STAG1: variants seen among roughly 807,000 people sequenced by gnomAD.
STAG1 encodes STAG1 cohesin complex component.
In STAG1, 26 loss-of-function variants were observed where a neutral mutation model predicts 170.9. The ratio of observed to expected loss-of-function variants is 0.15; its 90% confidence interval spans 0.11 to 0.21. The LOEUF is 0.21. STAG1 is among the 10% of genes least tolerant of loss of function. The pLI is 1.00. For synonymous variants in STAG1, 514 were observed against 497.7 expected, an observed-to-expected ratio of 1.03 and a Z score of -0.44; for missense variants, 964 against 1,509.5, an observed-to-expected ratio of 0.64 and a Z score of 5.99.
chr3:136,661,837 T>C (rs568979183), intron 1 of STAG1, among the ~76,000 whole-genome samples: 1 of 152,346 alleles, frequency 6.6e-6, no homozygotes, highest in East Asian at 1.9e-4. Flanking sequence ...ACAGTATCCC[T>C]GTGAGGCAGG....
chr3:136,736,788 C>A, intron 1 of STAG1: 3 of 1,591,192 alleles, frequency 1.9e-6, no homozygotes, highest in South Asian at 1.1e-5. Context: ...TTGAACAGCT[C>A]AGGATCATCC....
chr3:136,649,911 G>A (rs1941156711), intron 1 of STAG1, among the ~76,000 whole-genome samples: 1 of 151,902 alleles, frequency 6.6e-6, no homozygotes, highest in African/African-American at 2.4e-5. Flanking sequence ...GGGACTACAG[G>A]CACATGCCAC....
intron 21 of STAG1, among the ~76,000 whole-genome samples, chr3:136,402,131 T>C (rs1405505574): frequency 6.6e-6 from 1 of 152,138 alleles, no homozygotes; most frequent in Non-Finnish European, 1.5e-5. Context: ...GGTAAACATA[T>C]GTAGATAATA....
chr3:136,525,329 T>C (rs552869761), intron 6 of STAG1, among the ~76,000 whole-genome samples: 3 of 152,124 alleles, frequency 2.0e-5, no homozygotes, highest in Non-Finnish European at 4.4e-5. Context: ...CTTGGGAGGG[T>C]GTATGTGTCC....
intron 12 of STAG1, among the ~76,000 whole-genome samples, chr3:136,465,748 T>C (rs774761801): frequency 1.3e-5 from 2 of 151,922 alleles, no homozygotes; most frequent in Non-Finnish European, 2.9e-5. Context: ...GAAGGTTCTC[T>C]TCCTCAGCAA....
intron 1 of STAG1, among the ~76,000 whole-genome samples, chr3:136,664,925 G>A (rs987463586): frequency 3.3e-5 from 5 of 152,210 alleles, no homozygotes; most frequent in African/African-American, 1.2e-4. Context: ...AAGTATCTAA[G>A]AGAGCAGGCA....
intron 6 of STAG1, among the ~76,000 whole-genome samples, chr3:136,536,514 A>C (rs1935634797): frequency 6.6e-6 from 1 of 152,052 alleles, no homozygotes; most frequent in South Asian, 2.1e-4. Flanking sequence ...CAGCCTGTCC[A>C]ATATGGTGAA....
In STAG1 at chr3:136,472,414, G is replaced by A. The variant is rs761035128; in HGVS notation, c.1204C>T (p.His402Tyr). ...EAIRLVTLIL[H>Y]GSEEALSNED... is the part of the protein sequence containing the mutation. ...AAAATAGTAATGGATATTACTTACT[G>A]AAGTATCAGAGTAACCAATCGAATA... is the stretch of plus-strand genomic sequence containing the variant. The change falls in exon 12 of 34, where the codon CAT (histidine) becomes TAT (tyrosine). Residue 402 changes from histidine to tyrosine, a missense_variant and splice_region_variant. Physicochemically the swap from His to Tyr is moderately conservative, Grantham distance 83. Transcript: ENST00000383202. The A allele has an allele frequency of 6.2e-6, 10 of 1,605,284 alleles. No individual in the cohort carries two copies. In the Admixed American group the frequency reaches 1.7e-4, roughly 27 times the overall value.
intron 13 of STAG1, among the ~76,000 whole-genome samples, chr3:136,457,440 G>C (rs2089146954): frequency 6.6e-6 from 1 of 152,122 alleles, no homozygotes; most frequent in Non-Finnish European, 1.5e-5. Flanking sequence ...GTCCTCACCT[G>C]TTTACCCCCA....
chr3:136,665,184 T>C (rs1416765870), intron 1 of STAG1, among the ~76,000 whole-genome samples: 1 of 152,186 alleles, frequency 6.6e-6, no homozygotes, highest in Non-Finnish European at 1.5e-5. Context: ...ATTTAGATGA[T>C]CTAGATGTGA....
intron 16 of STAG1, among the ~76,000 whole-genome samples, chr3:136,430,621 G>C (rs2088269109): frequency 9.4e-6 from 1 of 106,506 alleles, no homozygotes; most frequent in South Asian, 3.9e-4. Flanking sequence ...GATAGCTGAA[G>C]AGCTTAAAAA....
intron 13 of STAG1, among the ~76,000 whole-genome samples, chr3:136,453,795 T>A (rs1386610359): frequency 3.3e-5 from 5 of 151,408 alleles, no homozygotes; most frequent in Non-Finnish European, 7.4e-5. Context: ...TGTACTAGTT[T>A]ATACATAAAA....
chr3:136,530,605 C>G (rs1343044254), intron 6 of STAG1, among the ~76,000 whole-genome samples: 1 of 152,104 alleles, frequency 6.6e-6, no homozygotes. Context: ...GAAATCAATA[C>G]AAAGAGAAAC....
chr3:136,594,145 A>G lies in STAG1; in HGVS notation c.297+10164T>C, dbSNP rs377578673. On this transcript the variant is annotated intron_variant, in intron 4 of 33. Transcript: ENST00000383202. ...CTATTACAGTTACTATGTAACTGTCAGTTCTAACACTTACAAGTTAACAGG... is the reference window on the plus strand; with the variant it reads ...CTATTACAGTTACTATGTAACTGTCGGTTCTAACACTTACAAGTTAACAGG... Among the ~76,000 whole-genome samples, 9 of 152,328 alleles carry G rather than the reference A, an allele frequency of 5.9e-5. No individual in the cohort carries two copies. The East Asian group carries it at 1.2e-3, about 20-fold the overall frequency.
chr3:136,617,083 C>G (rs1440369677), intron 3 of STAG1, among the ~76,000 whole-genome samples: 1 of 152,146 alleles, frequency 6.6e-6, no homozygotes, highest in Non-Finnish European at 1.5e-5. Flanking sequence ...TACAGCAAAA[C>G]TTACTTGCAA....
At chr3:136,501,319 G>C (rs887241278) in intron 8 of STAG1, among the ~76,000 whole-genome samples, 4 of 152,152 alleles carry the variant, frequency 2.6e-5, no homozygotes, top group Non-Finnish European at 4.4e-5. Flanking sequence ...TTAAAAATTT[G>C]TACATTGAAG....
At chr3:136,471,369 G>A (rs945819553) in intron 12 of STAG1, among the ~76,000 whole-genome samples, 4 of 151,896 alleles carry the variant, frequency 2.6e-5, no homozygotes, top group Admixed American at 6.6e-5. Context: ...TGAGGCACTT[G>A]ACAAGTATAT....
intron 3 of STAG1, among the ~76,000 whole-genome samples, chr3:136,618,410 T>C (rs573391298): frequency 2.0e-5 from 3 of 152,346 alleles, no homozygotes; most frequent in Non-Finnish European, 2.9e-5. Flanking sequence ...CACCCTTCTA[T>C]AGAAGTACCT....
chr3:136,382,335 C>A (rs1322840237), intron 22 of STAG1, among the ~76,000 whole-genome samples: 1 of 151,042 alleles, frequency 6.6e-6, no homozygotes, highest in Non-Finnish European at 1.5e-5. Flanking sequence ...AGTAAGCAAT[C>A]AACTGATGAA....
Sources: allele counts gnomAD v4.1 joint callset (sites outside exome capture counted in the v4.1 genomes callset), GRCh38; gene constraint gnomAD v4.1.1; transcripts MANE v1.5; gene names NCBI Gene and HGNC (gene_info 2026-07-23, HGNC 2026-07-21).